The following LTV1 variants were observed in gnomAD, a reference collection of about 807,000 sequenced individuals.
LTV1 encodes protein LTV1 homolog.
LTV1 carries 39 observed loss-of-function variants against 59.9 expected under a neutral mutation model. The observed-to-expected ratio is 0.65, with a 90% CI of 0.50 to 0.85. The LOEUF (loss-of-function observed/expected upper bound fraction) is 0.85. LTV1 is among the 40% of genes least tolerant of loss of function. LTV1 has a pLI of 0.00. For missense variants in LTV1, 493 were observed against 549.1 expected (o/e 0.90, Z 1.02); for synonymous variants, 171 against 189.5 (o/e 0.90, Z 0.80).
At chr6:143,847,681 C>T (rs1776916297) in intron 3 of LTV1, among the ~76,000 whole-genome samples, 1 of 152,188 alleles carries the variant, frequency 6.6e-6, no homozygotes, top group South Asian at 2.1e-4. Flanking sequence ...AACTTTTAAT[C>T]CTTAATTCAT....
At chr6:143,843,624 C>A in intron 1 of LTV1, 144 bp downstream of exon 1, 1 of 1,002,954 alleles carries the variant, frequency 1.0e-6, no homozygotes, top group Non-Finnish European at 1.5e-6. Context: ...AATGGGCCAA[C>A]GTCACCACCG....
rs1456863272 is a variant in LTV1, at chr6:143,855,558, G to C, written c.398-1745G>C. On this transcript the variant is annotated intron_variant, in intron 4 of 10. Transcript: ENST00000367576. This position sits in a 1 kb window ranked among gnomAD's most constrained non-coding sequence, Gnocchi z 4.6. Reference sequence around the variant, plus strand: ...TAGTATCGATGGTCTTTACTGTTTGGTACGTTTTGCAGTGGCTGGTACCAG... The same window carrying C: ...TAGTATCGATGGTCTTTACTGTTTGCTACGTTTTGCAGTGGCTGGTACCAG... 6.6e-6 allele frequency among the ~76,000 whole-genome samples: 1 copy of C among 152,126 alleles called. No individual in the cohort carries two copies. The highest frequency in any genetic ancestry group is 2.4e-5 in the African/African-American group (1 of 41,408).
intron 3 of LTV1, among the ~76,000 whole-genome samples, chr6:143,846,718 A>G (rs1003489973): frequency 2.6e-5 from 4 of 152,216 alleles, no homozygotes; most frequent in Non-Finnish European, 5.9e-5. Flanking sequence ...CTCTTTCAGG[A>G]CAAATGATAG....
At chr6:143,844,743 A>T in intron 2 of LTV1, 126 bp downstream of exon 2, 1 of 970,502 alleles carries the variant, frequency 1.0e-6, no homozygotes. Flanking sequence ...GGACTTAAGC[A>T]GTCCTCCCAG....
chr6:143,859,964 A>G (rs1016898616), intron 6 of LTV1, among the ~76,000 whole-genome samples: 1 of 152,074 alleles, frequency 6.6e-6, no homozygotes, highest in Non-Finnish European at 1.5e-5. Flanking sequence ...ATGGCCTGGT[A>G]TGGTGGCATG....
chr6:143,848,979 AG>A (rs1434383068), intron 3 of LTV1, among the ~76,000 whole-genome samples: 1 of 152,218 alleles, frequency 6.6e-6, no homozygotes, highest in Non-Finnish European at 1.5e-5. Flanking sequence ...AGAATAACTG[AG>A]AAATTTGGAT....
In LTV1 at chr6:143,843,410, G is replaced by A; in HGVS notation, c.-68G>A. ...AGAAGCGGCCTTCAGCTGGACCTTG[G>A]TCTCCCCGCCGGACTTCGAGGGTGT... On this transcript the variant is annotated 5_prime_UTR_variant, in exon 1 of 11. Transcript: ENST00000367576. The A allele has an allele frequency of 1.2e-6, 2 of 1,607,210 alleles. No homozygotes were observed. The highest frequency in any genetic ancestry group is 2.2e-5 in the South Asian group (2 of 91,014).
At chr6:143,856,143 T>C (rs1777073263) in intron 4 of LTV1, among the ~76,000 whole-genome samples, 1 of 152,226 alleles carries the variant, frequency 6.6e-6, no homozygotes. Flanking sequence ...TTTTCATTCT[T>C]TTTTCTCTAA....
Position 143,863,579 on chromosome 6 carries a change from T to C in LTV1, c.*52T>C. ...TTTATTAGGGGCTCCTCATCTTTGG[T>C]TATTGACTAGAAACTTCAGAAAGAC... is the stretch of plus-strand genomic sequence containing the variant. On this transcript the variant is annotated 3_prime_UTR_variant, in exon 11 of 11. Coordinates refer to ENST00000367576, the MANE Select transcript of LTV1 (RefSeq NM_032860.5). This position sits in a 1 kb window ranked among gnomAD's most constrained non-coding sequence, Gnocchi z 4.5. 1 of 1,209,696 alleles carries C rather than the reference T, an allele frequency of 8.3e-7. No homozygotes were observed. The highest frequency in any genetic ancestry group is 1.2e-6 in the Non-Finnish European group (1 of 857,650). 74.9% of individuals were successfully genotyped at this position (1,209,696 alleles called of 1,614,324 possible).
chr6:143,859,352 T>C (rs1174325836), intron 6 of LTV1, among the ~76,000 whole-genome samples: 1 of 152,188 alleles, frequency 6.6e-6, no homozygotes, highest in Non-Finnish European at 1.5e-5. Context: ...CCTAACATCA[T>C]CTCTAATGTT....
chr6:143,859,252 C>T (rs774666823), intron 6 of LTV1, among the ~76,000 whole-genome samples: 3 of 152,178 alleles, frequency 2.0e-5, no homozygotes, highest in Non-Finnish European at 2.9e-5. Flanking sequence ...AACAGATTAG[C>T]TCCAGGGTTT....
At chr6:143,846,022 A>T (rs770363779) in intron 2 of LTV1, 29 bp from the exon 3 acceptor site, 1 of 1,606,182 alleles carries the variant, frequency 6.2e-7, no homozygotes. Flanking sequence ...TAGATAGTGA[A>T]GAAAGTACTA....
chr6:143,860,524 G>C lies in LTV1; in HGVS notation c.894G>C (p.Leu298Phe). 6.2e-7 allele frequency: 1 copy of C among 1,613,586 alleles called. No individual in the cohort carries two copies. Among genetic ancestry groups the C allele is most frequent in the Non-Finnish European group, 8.5e-7 (1 of 1,179,758 alleles). ...ACAGCAATCGCTTACAGGAAGTTTT[G>C]AATGACTACTATAAAGAGAAGGCAG... The part of the protein sequence containing the change: ...QVDSNRLQEV[L>F]NDYYKEKAEN... Residue 298 changes from leucine to phenylalanine, a missense_variant, in exon 7 of 11, where the codon TTG becomes TTC. Leu to Phe is a conservative substitution (Grantham distance 22, BLOSUM62 0). Coordinates refer to ENST00000367576, the MANE Select transcript of LTV1 (RefSeq NM_032860.5).
intron 4 of LTV1, among the ~76,000 whole-genome samples, chr6:143,853,537 G>T (rs988164780): frequency 6.6e-6 from 1 of 152,184 alleles, no homozygotes; most frequent in Non-Finnish European, 1.5e-5. Flanking sequence ...GGGCATCCTT[G>T]TCTTGTGCCG....
At chr6:143,844,684 TTAAA>T (rs1776861325) in intron 2 of LTV1, 67 bp downstream of exon 2, 5 of 1,483,292 alleles carry the variant, frequency 3.4e-6, no homozygotes, top group Non-Finnish European at 3.6e-6. Context: ...TTTTTTTTTT[TTAAA>T]TAAATAGAGT....
At chr6:143,858,047 T>A (rs187953359) in intron 6 of LTV1, 40 bp downstream of exon 6, 4 of 1,587,328 alleles carry the variant, frequency 2.5e-6, no homozygotes, top group South Asian at 2.3e-5. Context: ...TACTATCTTA[T>A]GTTAAATTTT....
chr6:143,857,309 G>T lies in LTV1; in HGVS notation c.404G>T (p.Arg135Leu). Residue 135 changes from arginine (R) to leucine (L), a missense_variant, in exon 5 of 11, where the codon CGA becomes CTA. Arg to Leu is a moderately radical substitution (Grantham distance 102). Coordinates refer to ENST00000367576, the MANE Select transcript of LTV1 (RefSeq NM_032860.5). The surrounding 1 kb of genome is among the most constrained non-coding windows in gnomAD (Gnocchi z 5.2). ...ATTTTTGTTTTCCTTCTAGGACCTC[G>T]ACTGGATTTTGATCCTGACATTGTT... is the stretch of plus-strand genomic sequence containing the variant. The part of the protein sequence containing the change: ...LNKAAPVSGP[R>L]LDFDPDIVAA... The T allele has an allele frequency of 6.2e-7, 1 of 1,613,570 alleles. No homozygotes were observed. Among genetic ancestry groups the T allele is most frequent in the South Asian group, 1.1e-5 (1 of 91,012 alleles).
chr6:143,859,775 G>C (rs1562332655), intron 6 of LTV1, among the ~76,000 whole-genome samples: 1 of 152,108 alleles, frequency 6.6e-6, no homozygotes, highest in East Asian at 1.9e-4. Context: ...ATTTTCAGTT[G>C]CACAATCTTT....
intron 7 of LTV1, among the ~76,000 whole-genome samples, chr6:143,861,577 A>G (rs1270601622): frequency 6.6e-6 from 1 of 152,204 alleles, no homozygotes; most frequent in African/African-American, 2.4e-5. Context: ...AGGTATTTAC[A>G]TCTCGTGGAA....
Sources: allele counts gnomAD v4.1 joint callset (sites outside exome capture counted in the v4.1 genomes callset), GRCh38; gene constraint gnomAD v4.1.1; non-coding constraint Gnocchi (gnomAD v3.1); transcripts MANE v1.5; gene names NCBI Gene and HGNC (gene_info 2026-07-23, HGNC 2026-07-21).